The following TRAPPC10 variants were observed in gnomAD, a reference collection of about 807,000 sequenced individuals.
TRAPPC10 encodes trafficking protein particle complex subunit 10.
TRAPPC10 carries 23 observed loss-of-function variants against 125.5 expected under a neutral mutation model. The ratio of observed to expected loss-of-function variants is 0.18; its 90% CI spans 0.13 to 0.26. The LOEUF (loss-of-function observed/expected upper bound fraction) is 0.26. TRAPPC10 is among the 10% of genes least tolerant of loss of function. The pLI, the probability that TRAPPC10 is intolerant of heterozygous loss-of-function variation, is 1.00. For missense variants in TRAPPC10, 1,123 were observed against 1,308.4 expected (o/e 0.86, Z 2.19); for synonymous variants, 509 against 518.0 (o/e 0.98, Z 0.24).
At chr21:44,014,206 A>G (rs1379799504) in intron 1 of TRAPPC10, among the ~76,000 whole-genome samples, 1 of 152,242 alleles carries the variant, frequency 6.6e-6, no homozygotes, top group African/African-American at 2.4e-5. Context: ...ATTGGATTCA[A>G]CCATAACTAA....
At chr21:44,014,775 C>T (rs1014612366) in intron 1 of TRAPPC10, among the ~76,000 whole-genome samples, 1 of 152,054 alleles carries the variant, frequency 6.6e-6, no homozygotes, top group South Asian at 2.1e-4. Flanking sequence ...GTACACTGTC[C>T]TAGAAGGTGC....
intron 7 of TRAPPC10, among the ~76,000 whole-genome samples, chr21:44,065,169 G>T (rs1037671280): frequency 2.6e-5 from 4 of 152,198 alleles, no homozygotes; most frequent in African/African-American, 9.7e-5. Context: ...ACGACCCCAG[G>T]AGGCTGATTG....
intron 19 of TRAPPC10, 56 bp from the exon 20 acceptor site, chr21:44,094,007 T>G (rs1473546053): frequency 2.6e-6 from 4 of 1,557,360 alleles, no homozygotes; most frequent in Non-Finnish European, 3.5e-6. Context: ...GCAGTGTCTG[T>G]GTCCTCTTTG....
At position 44,087,694 on chromosome 21, in the gene TRAPPC10, C is replaced by G; in HGVS notation, c.2540-5C>G. On this transcript the variant is annotated splice_region_variant and splice_polypyrimidine_tract_variant and intron_variant, in intron 16 of 22. Coordinates refer to ENST00000291574, the MANE Select transcript of TRAPPC10 (RefSeq NM_003274.5). The surrounding 1 kb of genome is among the most constrained non-coding windows in gnomAD (Gnocchi z 4.6). ...CTTTGAAGTGACTTTTTCTGTCCTT[C>G]GTAGAACAGTCTTCTGAGGCCGCGC... 1.9e-6 allele frequency: 3 copies of G among 1,612,180 alleles called. No homozygotes were observed. Among genetic ancestry groups the G allele is most frequent in the South Asian group, 1.1e-5 (1 of 91,090 alleles).
Position 44,086,972 on chromosome 21 carries a change from C to T in TRAPPC10, c.2539+12C>T, listed in dbSNP as rs376973895. On this transcript the variant is annotated intron_variant, in intron 16 of 22. Transcript: ENST00000291574. ...CTCCAACACGAGAGGTGAGGTGCCG[C>T]CCACCCAGGCCCAAGGAGGATGCCC... 5.3e-5 allele frequency: 85 copies of T among 1,613,014 alleles called. No homozygotes were observed. Among genetic ancestry groups the T allele is most frequent in the Non-Finnish European group, 7.2e-5 (85 of 1,179,498 alleles).
Position 44,059,130 on chromosome 21 carries a change from C to T in TRAPPC10, c.706C>T (p.Leu236=), listed in dbSNP as rs764350695. The change falls in exon 6 of 23, where the codon CTG becomes TTG. Residue 236 remains leucine (L), a synonymous_variant. Coordinates refer to ENST00000291574, the MANE Select transcript of TRAPPC10 (RefSeq NM_003274.5). This position sits in a 1 kb window ranked among gnomAD's most constrained non-coding sequence, Gnocchi z 4.4. ...QEELAFVFEM[L]QQFEDALVQY... ...GGAGCTTGCCTTTGTTTTCGAGATGCTGCAGCAGTTCGAGGACGCCCTGGT... is the reference window on the plus strand; with the variant it reads ...GGAGCTTGCCTTTGTTTTCGAGATGTTGCAGCAGTTCGAGGACGCCCTGGT... 1.9e-6 allele frequency: 3 copies of T among 1,602,676 alleles called. No individual in the cohort carries two copies. Among genetic ancestry groups the T allele is most frequent in the Admixed American group, 3.5e-5 (2 of 57,178 alleles).
chr21:44,051,704 C>G (rs1049779082), intron 3 of TRAPPC10, among the ~76,000 whole-genome samples: 1 of 152,226 alleles, frequency 6.6e-6, no homozygotes, highest in South Asian at 2.1e-4. Context: ...TTTCTGAGGT[C>G]TCACAGCTGT....
chr21:44,065,637 C>T lies in TRAPPC10; in HGVS notation c.1038+1852C>T, dbSNP rs376214949. ...TCTAAGAACCCGCTTCCTGTTTCGT[C>T]ATCTTCTGATGCACACAGCTGGCTG... On this transcript the variant is annotated intron_variant, in intron 7 of 22. Transcript: ENST00000291574. Among the ~76,000 whole-genome samples, 56 of 152,340 alleles carry T rather than the reference C, an allele frequency of 3.7e-4. No individual in the cohort carries two copies. In the East Asian group the frequency reaches 9.1e-3, roughly 25 times the overall value.
chr21:44,016,143 T>C (rs762009433), intron 1 of TRAPPC10, among the ~76,000 whole-genome samples: 4 of 152,236 alleles, frequency 2.6e-5, no homozygotes, highest in Non-Finnish European at 4.4e-5. Flanking sequence ...GGAAAACTTG[T>C]AGTATATTTT....
At chr21:44,079,790 T>G in intron 12 of TRAPPC10, 86 bp downstream of exon 12, 1 of 1,425,876 alleles carries the variant, frequency 7.0e-7, no homozygotes, top group South Asian at 1.3e-5. Context: ...CATTCACACC[T>G]ATTATTAAGG....
At chr21:44,047,121 C>T (rs1438004055) in intron 3 of TRAPPC10, 2 of 552,506 alleles carry the variant, frequency 3.6e-6, no homozygotes, top group South Asian at 1.8e-5. Context: ...CCACCTACTC[C>T]TTCGGCGCAC....
chr21:44,079,223 C>T (rs574522424), intron 11 of TRAPPC10, among the ~76,000 whole-genome samples: 1 of 152,286 alleles, frequency 6.6e-6, no homozygotes, highest in Non-Finnish European at 1.5e-5. Flanking sequence ...CCTTGGCCCT[C>T]TTGCCTGTCA....
At chr21:44,058,887 CG>C (rs143240840) in intron 5 of TRAPPC10, among the ~76,000 whole-genome samples, 2,216 of 152,250 alleles carry the variant, frequency 0.015, 53 homozygotes, top group African/African-American at 0.049. Context: ...GCCGATAGGT[CG>C]GGGAGGGTTC....
intron 7 of TRAPPC10, among the ~76,000 whole-genome samples, chr21:44,069,588 G>A (rs917132163): frequency 6.6e-6 from 1 of 152,128 alleles, no homozygotes; most frequent in African/African-American, 2.4e-5. Context: ...GGCTGTTTGC[G>A]ATATCTAATG....
At chr21:44,039,990 C>T (rs2145741971) in intron 3 of TRAPPC10, among the ~76,000 whole-genome samples, 1 of 152,340 alleles carries the variant, frequency 6.6e-6, no homozygotes, top group Non-Finnish European at 1.5e-5. Flanking sequence ...TTGCTCAGTG[C>T]TACAACGTGC....
intron 17 of TRAPPC10, 175 bp from the exon 18 acceptor site, chr21:44,089,658 C>T (rs566366107): frequency 1.6e-5 from 10 of 628,386 alleles, no homozygotes; most frequent in African/African-American, 9.1e-5. Context: ...TCCTGTTTCT[C>T]GTTGGTTTGT....
chr21:44,089,706 G>A (rs577504105), intron 17 of TRAPPC10, 127 bp from the exon 18 acceptor site: 1 of 699,090 alleles, frequency 1.4e-6, no homozygotes, highest in South Asian at 1.5e-5. Context: ...TGGATAATGA[G>A]TGGTTGAAGC....
chr21:44,086,298 G>A (rs1008841048), intron 15 of TRAPPC10, among the ~76,000 whole-genome samples: 10 of 152,204 alleles, frequency 6.6e-5, no homozygotes, highest in Non-Finnish European at 1.3e-4. Flanking sequence ...GCTCACTCCT[G>A]CCTCTCATTG....
In TRAPPC10 at chr21:44,094,125, C is replaced by A. The variant is rs1274122373; in HGVS notation, c.3060C>A (p.Pro1020=). 1 of 1,614,224 alleles carries A rather than the reference C, an allele frequency of 6.2e-7. No homozygotes were observed. The highest frequency in any genetic ancestry group is 1.1e-5 in the South Asian group (1 of 91,084). The change falls in exon 20 of 23, where the codon CCC becomes CCA. Residue 1020 remains proline (P), a synonymous_variant. Coordinates refer to ENST00000291574, the MANE Select transcript of TRAPPC10 (RefSeq NM_003274.5). ...VWELKWTEEP[P]PSLHCRFSVG... is the part of the protein sequence containing the mutation. ...AACTCAAGTGGACAGAAGAGCCTCC[C>A]CCTTCTCTGCATTGCCGGTTCTCTG...
Sources: allele counts gnomAD v4.1 joint callset (sites outside exome capture counted in the v4.1 genomes callset), GRCh38; gene constraint gnomAD v4.1.1; non-coding constraint Gnocchi (gnomAD v3.1); transcripts MANE v1.5; gene names NCBI Gene and HGNC (gene_info 2026-07-23, HGNC 2026-07-21).